FUT8: variants seen among roughly 807,000 people sequenced by gnomAD.
FUT8 encodes the protein fucosyltransferase 8.
In FUT8, 29 loss-of-function variants were observed where a neutral mutation model predicts 71.3. The observed-to-expected ratio is 0.41, with a 90% CI of 0.30 to 0.55. FUT8 has a LOEUF of 0.55. Among genes scored for constraint, FUT8 ranks in the 20% least tolerant of loss-of-function variants. The pLI is 0.34. For synonymous variants in FUT8, 254 were observed against 239.3 expected (o/e 1.06, Z -0.57); for missense variants, 544 against 702.1 (o/e 0.77, Z 2.55).
rs750280905 is a variant in FUT8, at chr14:65,528,529, C to G, written c.-227-32808C>G. Among the ~76,000 whole-genome samples, 11 of 152,288 alleles carry G rather than the reference C, an allele frequency of 7.2e-5. No individual in the cohort carries two copies. In the East Asian group the frequency reaches 1.9e-3, roughly 27 times the overall value. ...AGCGATGCCTCACCCTACTTCAGCT[C>G]ACGCTTGGTGGGCTGCACCCACTGT... On this transcript the variant is annotated intron_variant, in intron 2 of 10. Coordinates refer to ENST00000673929, the MANE Select transcript of FUT8 (RefSeq NM_001371533.1).
chr14:65,643,081 CT>C lies in FUT8; in HGVS notation c.597+13476del, dbSNP rs1348442860. Reference sequence around the variant, plus strand: ...AAATTAATTCCTCCTTCATTTAAAACTAAAATCCTTACCAAAGTCCAAATTT... The same window carrying C: ...AAATTAATTCCTCCTTCATTTAAAACAAAATCCTTACCAAAGTCCAAATTT... On this transcript the variant is annotated intron_variant, in intron 6 of 10. Transcript: ENST00000673929. This position sits in a 1 kb window ranked among gnomAD's most constrained non-coding sequence, Gnocchi z 4.5. 6.6e-6 allele frequency among the ~76,000 whole-genome samples: 1 copy of C among 152,166 alleles called. No homozygotes were observed. Among genetic ancestry groups the C allele is most frequent in the Non-Finnish European group, 1.5e-5 (1 of 68,034 alleles).
chr14:65,448,008 A>AT (rs981396819), intron 1 of FUT8, among the ~76,000 whole-genome samples: 1 of 152,184 alleles, frequency 6.6e-6, no homozygotes, highest in Non-Finnish European at 1.5e-5. Flanking sequence ...TTATATTGGT[A>AT]TTTTTATAAA....
intron 5 of FUT8, among the ~76,000 whole-genome samples, chr14:65,629,151 A>G (rs1399335944): frequency 6.6e-6 from 1 of 152,192 alleles, no homozygotes; most frequent in African/African-American, 2.4e-5. Context: ...ACTAACGTCA[A>G]CTTCTTTCTC....
In FUT8 at chr14:65,548,765, A is replaced by G. The variant is rs1271235603; in HGVS notation, c.-227-12572A>G. ...AAATTTAAAAATTTTGCTGTGTGCA[A>G]GATACTGTTAAAAGAATAAAAAGAT... On this transcript the variant is annotated intron_variant, in intron 2 of 10. Coordinates refer to ENST00000673929, the MANE Select transcript of FUT8 (RefSeq NM_001371533.1). 6.6e-5 allele frequency among the ~76,000 whole-genome samples: 10 copies of G among 152,208 alleles called. No homozygotes were observed. The East Asian group carries it at 1.9e-3, about 29-fold the overall frequency.
At chr14:65,580,159 T>A (rs1334756241) in intron 3 of FUT8, among the ~76,000 whole-genome samples, 2 of 150,726 alleles carry the variant, frequency 1.3e-5, no homozygotes, top group Non-Finnish European at 1.5e-5. Flanking sequence ...TGTGGCTGTA[T>A]GAACATCATA....
intron 9 of FUT8, among the ~76,000 whole-genome samples, chr14:65,728,919 G>A (rs1159913396): frequency 2.6e-5 from 4 of 151,270 alleles, no homozygotes; most frequent in African/African-American, 4.9e-5. Flanking sequence ...ACATATCCTC[G>A]TTGTTAACTG....
At chr14:65,544,427 A>G (rs1300951708) in intron 2 of FUT8, among the ~76,000 whole-genome samples, 1 of 152,140 alleles carries the variant, frequency 6.6e-6, no homozygotes, top group African/African-American at 2.4e-5. Context: ...CATGGTGCCA[A>G]TCAAGTATAT....
intron 6 of FUT8, among the ~76,000 whole-genome samples, chr14:65,641,717 T>A (rs993445861): frequency 2.0e-5 from 3 of 151,362 alleles, no homozygotes; most frequent in African/African-American, 7.3e-5. Context: ...AGTGTATGTG[T>A]AGGGGTATGT....
At chr14:65,383,208 C>T in the FUT8 span, among the ~76,000 whole-genome samples, 1 of 150,932 alleles carries the variant, frequency 6.6e-6, no homozygotes, top group African/African-American at 2.4e-5. Flanking sequence ...TTCTGGAACA[C>T]AGTTCTGTTG....
rs28631796 is a variant in FUT8, at chr14:65,621,258, T to G, written c.482+4885T>G. Among the ~76,000 whole-genome samples, 500 of 151,786 alleles carry G rather than the reference T, an allele frequency of 3.3e-3. 3 individuals are homozygous for G. Among genetic ancestry groups the G allele is most frequent in the African/African-American group, 0.012 (482 of 41,292 alleles). ...TTATTTGTTCCTGTTTTTTTTTTTG[T>G]TTTGTTTTCTGAGACAGAGTCTCGC... On this transcript the variant is annotated intron_variant, in intron 5 of 10. Transcript: ENST00000673929.
rs1882087290 is a variant in FUT8, at chr14:65,508,484, T to TGA, written c.-228+52767_-228+52768insAG. On this transcript the variant is annotated intron_variant, in intron 2 of 10. Transcript: ENST00000673929. ...GATTATTAATTTTTTCCTGTAGAGT[T>TGA]GTTTGAGTTTTTTTTTTTTTTTTTT... Among the ~76,000 whole-genome samples, 3 of 146,610 alleles carry TGA rather than the reference T, an allele frequency of 2.0e-5. No homozygotes were observed. The Admixed American group carries it at 2.1e-4, about 10-fold the overall frequency.
chr14:65,422,419 G>A (rs1428617030), intron 1 of FUT8, among the ~76,000 whole-genome samples: 3 of 151,888 alleles, frequency 2.0e-5, no homozygotes, highest in Admixed American at 2.0e-4. Context: ...ACTAATGAAT[G>A]TTTTTTATGG....
chr14:65,570,274 G>C (rs1390079652), intron 3 of FUT8, among the ~76,000 whole-genome samples: 2 of 152,058 alleles, frequency 1.3e-5, no homozygotes, highest in African/African-American at 2.4e-5. Context: ...TCTTCTGTGT[G>C]ATCCCTACCC....
Position 65,539,258 on chromosome 14 carries a change from A to G in FUT8, c.-227-22079A>G, listed in dbSNP as rs151177282. Reference sequence around the variant, plus strand: ...AATTGCTTACCATTGAAATTCATATATTATGTTTGTTACTTTGGTAGTGTG... The same window carrying G: ...AATTGCTTACCATTGAAATTCATATGTTATGTTTGTTACTTTGGTAGTGTG... On this transcript the variant is annotated intron_variant, in intron 2 of 10. Transcript: ENST00000673929. 2.9e-3 allele frequency among the ~76,000 whole-genome samples: 444 copies of G among 152,276 alleles called. 2 individuals carry two copies. The highest frequency in any genetic ancestry group is 0.01 in the Middle Eastern group (3 of 294).
chr14:65,411,937 G>C, upstream of FUT8: 1 of 435,584 alleles, frequency 2.3e-6, no homozygotes, highest in Non-Finnish European at 4.6e-6. Flanking sequence ...CTCTGGGGCA[G>C]CCCTTCGGTC....
At chr14:65,734,628 G>T (rs1896130485) in intron 10 of FUT8, among the ~76,000 whole-genome samples, 1 of 152,122 alleles carries the variant, frequency 6.6e-6, no homozygotes, top group Admixed American at 6.5e-5. Context: ...CAAGAAAGGG[G>T]CAAGGTTTAT....
chr14:65,456,105 G>T (rs1226412065), intron 2 of FUT8, among the ~76,000 whole-genome samples: 1 of 152,088 alleles, frequency 6.6e-6, no homozygotes, highest in African/African-American at 2.4e-5. Context: ...AGGTATTCTT[G>T]TCCAGATTTC....
intron 7 of FUT8, among the ~76,000 whole-genome samples, chr14:65,674,301 G>C (rs115925384): frequency 1.3e-5 from 2 of 152,122 alleles, no homozygotes; most frequent in Non-Finnish European, 2.9e-5. Flanking sequence ...ATATTAGACT[G>C]TGAGTCTGAT....
At chr14:65,430,465 T>C (rs2065456132) in intron 1 of FUT8, among the ~76,000 whole-genome samples, 2 of 152,240 alleles carry the variant, frequency 1.3e-5, no homozygotes, top group South Asian at 4.1e-4. Flanking sequence ...ACACTTTTTC[T>C]GTTCTGAAGC....
Sources: gnomAD v4.1 joint callset for allele counts (sites outside exome capture counted in the v4.1 genomes callset) on GRCh38, gnomAD v4.1.1 for gene constraint, Gnocchi (gnomAD v3.1) non-coding constraint, MANE v1.5 for transcripts, NCBI Gene and HGNC (gene_info 2026-07-23, HGNC 2026-07-21) for gene names.